Variants in GPC5 observed in about 807,000 individuals in gnomAD.
GPC5 encodes the protein glypican 5.
GPC5 carries 47 observed loss-of-function variants against 53.9 expected under a neutral mutation model. The ratio of observed to expected loss-of-function variants is 0.87; its 90% CI spans 0.69 to 1.11. The LOEUF is 1.11. Ranked by LOEUF, GPC5 falls within the 50% of genes most tolerant of loss-of-function variation. GPC5 has a pLI of 0.00. For missense variants in GPC5, 748 were observed against 713.1 expected (o/e 1.05, Z -0.56); for synonymous variants, 286 against 263.3 (o/e 1.09, Z -0.84).
intron 5 of GPC5, among the ~76,000 whole-genome samples, chr13:91,826,030 G>A (rs1450700339): frequency 1.3e-5 from 2 of 152,012 alleles, no homozygotes; most frequent in African/African-American, 4.8e-5. Flanking sequence ...GTCTGGACAA[G>A]TTAACTAAAA....
At chr13:91,509,637 A>G (rs928808937) in intron 2 of GPC5, among the ~76,000 whole-genome samples, 1 of 152,034 alleles carries the variant, frequency 6.6e-6, no homozygotes, top group Non-Finnish European at 1.5e-5. Context: ...AAAGAGTTTT[A>G]TATTAAACTA....
In GPC5 at chr13:92,146,185, T is replaced by C. The variant is rs143976690; in HGVS notation, c.1561+1196T>C. On this transcript the variant is annotated intron_variant, in intron 7 of 7. Coordinates refer to ENST00000377067, the MANE Select transcript of GPC5 (RefSeq NM_004466.6). ...CAAAATTCTTAGTGCTAGTTAAATA[T>C]ATTCTATTCTTACAGAATGCGATAA... 2.0e-5 allele frequency among the ~76,000 whole-genome samples: 3 copies of C among 152,302 alleles called. No homozygotes were observed. In the East Asian group the frequency reaches 5.8e-4, roughly 29 times the overall value.
intron 7 of GPC5, among the ~76,000 whole-genome samples, chr13:92,290,874 G>C (rs376873618): frequency 3.3e-5 from 5 of 152,120 alleles, no homozygotes; most frequent in East Asian, 3.9e-4. Flanking sequence ...CTTAGCTTGC[G>C]GGGAGGTGTG....
chr13:92,153,250 T>C (rs970646776), intron 7 of GPC5, among the ~76,000 whole-genome samples: 2 of 152,158 alleles, frequency 1.3e-5, no homozygotes, highest in Non-Finnish European at 2.9e-5. Context: ...TGCCTCAGCC[T>C]CCAGAGTAGC....
chr13:92,605,806 A>G (rs1318575524), intron 7 of GPC5, among the ~76,000 whole-genome samples: 1 of 151,800 alleles, frequency 6.6e-6, no homozygotes, highest in East Asian at 1.9e-4. Context: ...CAAGGGAAAA[A>G]AAAAGTTTGC....
intron 7 of GPC5, among the ~76,000 whole-genome samples, chr13:92,233,114 C>T (rs1566496360): frequency 6.6e-6 from 1 of 152,114 alleles, no homozygotes; most frequent in Non-Finnish European, 1.5e-5. Context: ...GTCATCAACT[C>T]GTTTCAAAGT....
chr13:92,400,332 A>G (rs926749564), intron 7 of GPC5, among the ~76,000 whole-genome samples: 1 of 152,242 alleles, frequency 6.6e-6, no homozygotes, highest in Non-Finnish European at 1.5e-5. Flanking sequence ...AACAGTAGCA[A>G]CACTACAGCA....
At chr13:91,891,352 TACTC>T (rs1283245053) in intron 5 of GPC5, among the ~76,000 whole-genome samples, 3 of 152,192 alleles carry the variant, frequency 2.0e-5, no homozygotes, top group Non-Finnish European at 4.4e-5. Context: ...AGTTTTTACT[TACTC>T]ACTGTAAGGC....
At chr13:92,477,007 C>A (rs1594235154) in intron 7 of GPC5, among the ~76,000 whole-genome samples, 1 of 149,852 alleles carries the variant, frequency 6.7e-6, no homozygotes, top group African/African-American at 2.5e-5. Context: ...AACTAACCTG[C>A]ACAATGTGCA....
At chr13:92,609,276 A>G (rs1338389155) in intron 7 of GPC5, among the ~76,000 whole-genome samples, 5 of 152,158 alleles carry the variant, frequency 3.3e-5, no homozygotes, top group Non-Finnish European at 7.3e-5. Context: ...GGAATAAAGG[A>G]AAAAAGAAGA....
intron 7 of GPC5, among the ~76,000 whole-genome samples, chr13:92,384,640 A>G (rs1426243354): frequency 6.6e-6 from 1 of 152,070 alleles, no homozygotes; most frequent in East Asian, 1.9e-4. Context: ...GTAAACCTTG[A>G]GATTGGAGGG....
intron 2 of GPC5, among the ~76,000 whole-genome samples, chr13:91,487,040 G>A (rs1883645713): frequency 6.6e-6 from 1 of 152,160 alleles, no homozygotes; most frequent in Non-Finnish European, 1.5e-5. Context: ...TCCAAATCGA[G>A]CTTTGATTCA....
intron 1 of GPC5, among the ~76,000 whole-genome samples, chr13:91,443,454 C>T (rs1483032240): frequency 2.0e-5 from 3 of 152,120 alleles, no homozygotes; most frequent in African/African-American, 7.2e-5. Flanking sequence ...AAATAAATTT[C>T]TGTTGTTTAA....
chr13:92,604,661 G>C (rs1012148062), intron 7 of GPC5, among the ~76,000 whole-genome samples: 2 of 152,076 alleles, frequency 1.3e-5, no homozygotes, highest in African/African-American at 2.4e-5. Context: ...TTTGATTTTT[G>C]TCAGGAAAAT....
At chr13:91,954,692 A>T (rs913091521) in intron 6 of GPC5, among the ~76,000 whole-genome samples, 3 of 152,098 alleles carry the variant, frequency 2.0e-5, no homozygotes, top group Non-Finnish European at 4.4e-5. Flanking sequence ...AAATGCAAAA[A>T]ACATACTTTA....
intron 5 of GPC5, among the ~76,000 whole-genome samples, chr13:91,822,060 C>T (rs1038710921): frequency 6.6e-5 from 10 of 152,242 alleles, no homozygotes; most frequent in Middle Eastern, 3.4e-3. Flanking sequence ...CTGACTACAC[C>T]GTAGAGTTCA....
At chr13:91,823,667 C>T (rs1335093809) in intron 5 of GPC5, among the ~76,000 whole-genome samples, 2 of 152,014 alleles carry the variant, frequency 1.3e-5, no homozygotes, top group East Asian at 1.9e-4. Flanking sequence ...TTATTAATCT[C>T]TTAAAAATTA....
chr13:92,135,838 T>C (rs2041779854), intron 6 of GPC5, among the ~76,000 whole-genome samples: 1 of 152,218 alleles, frequency 6.6e-6, no homozygotes, highest in Non-Finnish European at 1.5e-5. Flanking sequence ...TCTGGTCAAC[T>C]TAACATAACA....
intron 7 of GPC5, among the ~76,000 whole-genome samples, chr13:92,586,356 G>T (rs1271528331): frequency 6.6e-6 from 1 of 152,184 alleles, no homozygotes; most frequent in South Asian, 2.1e-4. Context: ...TCTTAGAATT[G>T]CAAGTACCCA....
Sources: allele counts gnomAD v4.1 joint callset (sites outside exome capture counted in the v4.1 genomes callset), GRCh38; gene constraint gnomAD v4.1.1; transcripts MANE v1.5; gene names NCBI Gene and HGNC (gene_info 2026-07-23, HGNC 2026-07-21).